Variants in DLG2 observed in about 807,000 individuals in gnomAD.
DLG2 encodes discs large MAGUK scaffold protein 2, also known as disks large homolog 2.
A neutral mutation model predicts 132.5 loss-of-function variants in DLG2; 45 were observed. The observed-to-expected ratio is 0.34, with a 90% CI of 0.27 to 0.44. The LOEUF (loss-of-function observed/expected upper bound fraction) is 0.44. DLG2 is among the 20% of genes least tolerant of loss of function. DLG2 has a pLI of 1.00. For missense variants in DLG2, 1,045 were observed against 1,196.9 expected (o/e 0.87, Z 1.87); for synonymous variants, 424 against 419.6 (o/e 1.01, Z -0.13).
intron 6 of DLG2, among the ~76,000 whole-genome samples, chr11:84,962,955 T>C (rs1270698856): frequency 2.6e-5 from 4 of 152,150 alleles, no homozygotes; most frequent in Non-Finnish European, 4.4e-5. Flanking sequence ...AACAAACCCA[T>C]AGGACTATCT....
At position 85,492,696 on chromosome 11, in the gene DLG2, T is replaced by C. The variant is rs990120585; in HGVS notation, c.40+105961A>G. 6.2e-5 allele frequency among the ~76,000 whole-genome samples: 9 copies of C among 145,552 alleles called. No individual in the cohort carries two copies. In the South Asian group the frequency reaches 8.6e-4, roughly 14 times the overall value. Reference sequence around the variant, plus strand: ...ATATTAGCATCAAATTGGGAGGGTATATTTGGGATGGTCTGACTTAAAATA... The same window carrying C: ...ATATTAGCATCAAATTGGGAGGGTACATTTGGGATGGTCTGACTTAAAATA... On this transcript the variant is annotated intron_variant, in intron 3 of 27. Coordinates refer to ENST00000376104, the MANE Select transcript of DLG2 (RefSeq NM_001142699.3).
intron 6 of DLG2, among the ~76,000 whole-genome samples, chr11:84,709,458 T>C (rs560373752): frequency 3.3e-5 from 5 of 152,110 alleles, no homozygotes; most frequent in South Asian, 2.1e-4. Flanking sequence ...ATTGTATTTG[T>C]TGCTTTCTTG....
In DLG2 at chr11:83,731,603, T is replaced by C. The variant is rs143097480; in HGVS notation, c.1825+55087A>G. Among the ~76,000 whole-genome samples, 439 of 152,354 alleles carry C rather than the reference T, an allele frequency of 2.9e-3. 3 individuals carry two copies. Among genetic ancestry groups the C allele is most frequent in the African/African-American group, 0.01 (430 of 41,592 alleles). On this transcript the variant is annotated intron_variant, in intron 18 of 27. Coordinates refer to ENST00000376104, the MANE Select transcript of DLG2 (RefSeq NM_001142699.3). The stretch of plus-strand genomic sequence containing the variant: ...AATAGTGATGCAATAAACACACATG[T>C]GCATATGTCTTTGCAGTAGAATGAT...
chr11:85,393,999 A>G (rs143833408), intron 3 of DLG2, among the ~76,000 whole-genome samples: 18 of 152,254 alleles, frequency 1.2e-4, no homozygotes, highest in African/African-American at 4.1e-4. Context: ...CTCAGGAATC[A>G]TCACTGAAGA....
chr11:84,564,160 T>C (rs2099440164), intron 6 of DLG2, among the ~76,000 whole-genome samples: 1 of 152,220 alleles, frequency 6.6e-6, no homozygotes, highest in Non-Finnish European at 1.5e-5. Flanking sequence ...TAACTGAAGC[T>C]GTGACAATAA....
At chr11:84,858,838 A>G (rs1211389357) in intron 6 of DLG2, among the ~76,000 whole-genome samples, 1 of 152,076 alleles carries the variant, frequency 6.6e-6, no homozygotes, top group Admixed American at 6.6e-5. Flanking sequence ...GTACTCAAAC[A>G]AAAAGAAACA....
chr11:85,096,192 G>C (rs2069724490), intron 6 of DLG2, among the ~76,000 whole-genome samples: 1 of 152,156 alleles, frequency 6.6e-6, no homozygotes, highest in South Asian at 2.1e-4. Context: ...CCAAATAAGG[G>C]AATAAAAGCT....
At chr11:84,293,777 C>T (rs1480263047) in intron 7 of DLG2, among the ~76,000 whole-genome samples, 6 of 152,082 alleles carry the variant, frequency 3.9e-5, no homozygotes, top group Admixed American at 2.0e-4. Flanking sequence ...TAAACTAAGC[C>T]GTTGCTGAAG....
At chr11:84,782,017 G>T (rs2071888111) in intron 6 of DLG2, among the ~76,000 whole-genome samples, 1 of 152,064 alleles carries the variant, frequency 6.6e-6, no homozygotes, top group Admixed American at 6.6e-5. Flanking sequence ...AAAAGAAGAT[G>T]CTTGGAATAC....
At chr11:83,787,210 G>A (rs2040169555) in intron 17 of DLG2, among the ~76,000 whole-genome samples, 1 of 151,480 alleles carries the variant, frequency 6.6e-6, no homozygotes, top group Non-Finnish European at 1.5e-5. Context: ...ATGAGATTCT[G>A]GGGACATGGT....
At chr11:85,541,507 T>C (rs1478751339) in intron 3 of DLG2, among the ~76,000 whole-genome samples, 1 of 150,716 alleles carries the variant, frequency 6.6e-6, no homozygotes, top group African/African-American at 2.4e-5. Context: ...ATATATATTA[T>C]TATAATATAT....
intron 18 of DLG2, among the ~76,000 whole-genome samples, chr11:83,672,859 G>A (rs1281986652): frequency 6.6e-6 from 1 of 152,118 alleles, no homozygotes; most frequent in Non-Finnish European, 1.5e-5. Context: ...TCAGGAGTGT[G>A]AGACCAGCCT....
chr11:84,680,896 G>T (rs1194622956), intron 6 of DLG2, among the ~76,000 whole-genome samples: 1 of 152,146 alleles, frequency 6.6e-6, no homozygotes, highest in Non-Finnish European at 1.5e-5. Flanking sequence ...GAGAAAAGTA[G>T]ATTCTTTCAC....
At chr11:84,788,007 C>G (rs1036590262) in intron 6 of DLG2, among the ~76,000 whole-genome samples, 5 of 134,202 alleles carry the variant, frequency 3.7e-5, no homozygotes, top group Admixed American at 1.7e-4. Flanking sequence ...GAGACTGAGG[C>G]ATAAGAATCA....
intron 15 of DLG2, among the ~76,000 whole-genome samples, chr11:83,911,763 G>A (rs1208687319): frequency 1.1e-4 from 17 of 152,122 alleles, no homozygotes; most frequent in African/African-American, 3.4e-4. Flanking sequence ...ATGAATCAGC[G>A]AAAATAGTGA....
chr11:83,880,540 A>C lies in DLG2; in HGVS notation c.1497-6052T>G, dbSNP rs990391261. Among the ~76,000 whole-genome samples, 5 of 152,066 alleles carry C rather than the reference A, an allele frequency of 3.3e-5. No individual in the cohort carries two copies. In the East Asian group the frequency reaches 9.6e-4, roughly 29 times the overall value. ...TAAAGGGCCCTGTTTTTCCCAGGGTATAGGAAGAGTTGTGCTCTCTTCTGT... is the reference window on the plus strand; with the variant it reads ...TAAAGGGCCCTGTTTTTCCCAGGGTCTAGGAAGAGTTGTGCTCTCTTCTGT... On this transcript the variant is annotated intron_variant, in intron 15 of 27. Coordinates refer to ENST00000376104, the MANE Select transcript of DLG2 (RefSeq NM_001142699.3).
intron 6 of DLG2, among the ~76,000 whole-genome samples, chr11:85,075,810 AACTGATC>A (rs1471921965): frequency 3.9e-5 from 6 of 151,970 alleles, no homozygotes; most frequent in African/African-American, 1.4e-4. Flanking sequence ...AACACATGCC[AACTGATC>A]ACAGTGGTAA....
chr11:83,694,715 G>A (rs2081579046), intron 18 of DLG2, among the ~76,000 whole-genome samples: 1 of 148,546 alleles, frequency 6.7e-6, no homozygotes, highest in African/African-American at 2.6e-5. Flanking sequence ...TTGAACCCAA[G>A]GGACTCGCGT....
At chr11:84,748,839 G>A (rs908718381) in intron 6 of DLG2, among the ~76,000 whole-genome samples, 10 of 152,120 alleles carry the variant, frequency 6.6e-5, no homozygotes, top group Admixed American at 3.9e-4. Context: ...TTCCTTCAGG[G>A]AAGCTAGAAC....
Sources: allele counts gnomAD v4.1 joint callset (sites outside exome capture counted in the v4.1 genomes callset), GRCh38; gene constraint gnomAD v4.1.1; transcripts MANE v1.5; gene names NCBI Gene and HGNC (gene_info 2026-07-23, HGNC 2026-07-21).